ARMC8: variants seen among roughly 807,000 people sequenced by gnomAD.
ARMC8 encodes the protein armadillo repeat-containing protein 8.
In ARMC8, 20 loss-of-function variants were observed where a neutral mutation model predicts 99.3. The observed-to-expected ratio is 0.20, with a 90% CI of 0.14 to 0.29. The LOEUF (loss-of-function observed/expected upper bound fraction) is 0.29. Among genes scored for constraint, ARMC8 ranks in the 10% least tolerant of loss-of-function variants. The pLI, the probability that ARMC8 is intolerant of heterozygous loss-of-function variation, is 1.00. For missense variants in ARMC8, 569 were observed against 809.5 expected (o/e 0.70, Z 3.60); for synonymous variants, 263 against 278.3 (o/e 0.95, Z 0.55).
intron 18 of ARMC8, among the ~76,000 whole-genome samples, chr3:138,280,122 T>C (rs1209271950): frequency 1.3e-5 from 2 of 152,092 alleles, no homozygotes; most frequent in Non-Finnish European, 2.9e-5. Flanking sequence ...CAGGCTGGGC[T>C]CAAACTCCTG....
chr3:138,285,652 T>C (rs578247149), intron 19 of ARMC8, among the ~76,000 whole-genome samples: 7 of 152,174 alleles, frequency 4.6e-5, no homozygotes, highest in Non-Finnish European at 8.8e-5. Flanking sequence ...AGCACTTAGC[T>C]CAGTTTTAGT....
intron 12 of ARMC8, among the ~76,000 whole-genome samples, chr3:138,254,784 G>A (rs967773405): frequency 4.6e-5 from 7 of 152,316 alleles, no homozygotes; most frequent in Non-Finnish European, 7.4e-5. Context: ...ACAAAGTGTA[G>A]AGAAGTTTAG....
rs1452230302 is a variant in ARMC8 at position 138,295,839 on chromosome 3, C to T, written c.1989-20C>T. Reference sequence around the variant, plus strand: ...ATTACAATTCTGAGATGATGGCTAACAGGAATTTTGTGATTTCAGGGCAAA... The same window carrying T: ...ATTACAATTCTGAGATGATGGCTAATAGGAATTTTGTGATTTCAGGGCAAA... On this transcript the variant is annotated intron_variant, in intron 21 of 21. Transcript: ENST00000469044. 1.9e-6 allele frequency: 3 copies of T among 1,613,246 alleles called. No individual in the cohort carries two copies. In the South Asian group the frequency reaches 3.3e-5, roughly 18 times the overall value.
chr3:138,237,237 T>A, intron 7 of ARMC8, 72 bp from the exon 8 acceptor site: 4 of 1,348,234 alleles, frequency 3.0e-6, no homozygotes, highest in Non-Finnish European at 4.2e-6. Flanking sequence ...TAGAAGAGTT[T>A]AGATTCTGAG....
intron 2 of ARMC8, among the ~76,000 whole-genome samples, chr3:138,217,881 C>T (rs1193570871): frequency 1.3e-5 from 2 of 152,316 alleles, no homozygotes; most frequent in East Asian, 3.9e-4. Flanking sequence ...ATGAAGTAGT[C>T]ACTCGACATG....
At chr3:138,270,515 C>G (rs1031239038) in intron 16 of ARMC8, among the ~76,000 whole-genome samples, 1 of 152,062 alleles carries the variant, frequency 6.6e-6, no homozygotes, top group African/African-American at 2.4e-5. Flanking sequence ...GAGTTCTTAC[C>G]ATACTTTATA....
At chr3:138,193,053 C>G (rs1407132004) in intron 1 of ARMC8, among the ~76,000 whole-genome samples, 1 of 152,170 alleles carries the variant, frequency 6.6e-6, no homozygotes, top group African/African-American at 2.4e-5. Flanking sequence ...ACTGCAGCCT[C>G]TGCCTCCCAG....
At position 138,289,032 on chromosome 3, in the gene ARMC8, T is replaced by C. The variant is rs760193276; in HGVS notation, c.1822-16T>C. On this transcript the variant is annotated splice_polypyrimidine_tract_variant and intron_variant, in intron 19 of 21. Coordinates refer to ENST00000469044, the MANE Select transcript of ARMC8 (RefSeq NM_001363941.2). ...TACCACCATTTTGATTTTTTTTTCT[T>C]TTTCTGTATTAATAGGGCCATTCAC... 1 of 1,605,176 alleles carries C rather than the reference T, an allele frequency of 6.2e-7. No individual in the cohort carries two copies. The highest frequency in any genetic ancestry group is 1.7e-5 in the Admixed American group (1 of 58,898).
At chr3:138,218,569 C>CTAAGGT (rs2045216312) in intron 2 of ARMC8, among the ~76,000 whole-genome samples, 1 of 152,170 alleles carries the variant, frequency 6.6e-6, no homozygotes, top group Admixed American at 6.5e-5. Context: ...TAAGGTTTAT[C>CTAAGGT]TTAGTTCTTA....
At chr3:138,205,179 CT>C in intron 1 of ARMC8, among the ~76,000 whole-genome samples, 1 of 149,274 alleles carries the variant, frequency 6.7e-6, no homozygotes, top group African/African-American at 2.5e-5. Context: ...AGTGATTCTC[CT>C]GCCTCAGCCT....
chr3:138,222,552 G>C (rs1490838263), intron 3 of ARMC8, among the ~76,000 whole-genome samples: 1 of 152,002 alleles, frequency 6.6e-6, no homozygotes, highest in Non-Finnish European at 1.5e-5. Context: ...CTTTACTTTT[G>C]CTCCTCAGAG....
At chr3:138,224,530 A>G (rs1244464209) in intron 5 of ARMC8, among the ~76,000 whole-genome samples, 2 of 152,084 alleles carry the variant, frequency 1.3e-5, no homozygotes, top group Non-Finnish European at 2.9e-5. Context: ...TGGATATATC[A>G]CCTGAGGCCA....
chr3:138,250,447 A>C (rs914669981), intron 12 of ARMC8, among the ~76,000 whole-genome samples: 3 of 152,198 alleles, frequency 2.0e-5, no homozygotes, highest in African/African-American at 7.2e-5. Flanking sequence ...TTATTCCAGT[A>C]AAAGAAGTTA....
At chr3:138,283,739 T>G (rs1239490074) in intron 18 of ARMC8, among the ~76,000 whole-genome samples, 1 of 152,260 alleles carries the variant, frequency 6.6e-6, no homozygotes, top group Non-Finnish European at 1.5e-5. Context: ...TTGAGAAGAC[T>G]GCAGTCATCA....
At chr3:138,240,686 C>G (rs543954125) in intron 10 of ARMC8, among the ~76,000 whole-genome samples, 1 of 152,254 alleles carries the variant, frequency 6.6e-6, no homozygotes, top group South Asian at 2.1e-4. Flanking sequence ...GTGCTAAGCT[C>G]TGTGGTAAAA....
At position 138,207,807 on chromosome 3, in the gene ARMC8, A is replaced by G. The variant is rs572854024; in HGVS notation, c.46-2010A>G. Among the ~76,000 whole-genome samples, 224 of 152,344 alleles carry G rather than the reference A, an allele frequency of 1.5e-3. 1 individual carries two copies. Among genetic ancestry groups the G allele is most frequent in the African/African-American group, 5.1e-3 (214 of 41,582 alleles). On this transcript the variant is annotated intron_variant, in intron 1 of 21. Transcript: ENST00000469044. ...CCATTTGTAAACCGAGGGATTGAGC[A>G]GATTATTGTTGAGAGTCCTTCTAAC...
chr3:138,214,524 T>TA (rs958356270), intron 2 of ARMC8, among the ~76,000 whole-genome samples: 16 of 152,222 alleles, frequency 1.1e-4, no homozygotes, highest in African/African-American at 3.4e-4. Flanking sequence ...GAGCTAAAGA[T>TA]AAAGAGTTCC....
intron 21 of ARMC8, among the ~76,000 whole-genome samples, chr3:138,295,078 T>G (rs1454402859): frequency 6.6e-6 from 1 of 152,122 alleles, no homozygotes; most frequent in Non-Finnish European, 1.5e-5. Context: ...TTTGTATTTT[T>G]GGTAGAAACA....
intron 19 of ARMC8, among the ~76,000 whole-genome samples, chr3:138,286,822 T>C (rs547963483): frequency 7.4e-4 from 113 of 152,312 alleles, no homozygotes; most frequent in African/African-American, 2.5e-3. Flanking sequence ...CAAATGTGTT[T>C]CCCAGCCTAG....
Sources: gnomAD v4.1 joint callset for allele counts (sites outside exome capture counted in the v4.1 genomes callset) on GRCh38, gnomAD v4.1.1 for gene constraint, MANE v1.5 for transcripts, NCBI Gene and HGNC (gene_info 2026-07-23, HGNC 2026-07-21) for gene names.